PCBP2: variants seen among roughly 807,000 people sequenced by gnomAD.
PCBP2 encodes poly(rC) binding protein 2.
In PCBP2, 4 loss-of-function variants were observed where a neutral mutation model predicts 50.1. That is an observed-to-expected ratio of 0.08 (90% confidence interval 0.04 to 0.18). The LOEUF (loss-of-function observed/expected upper bound fraction) is 0.18, where lower values mean the gene tolerates loss of function less well. Among genes scored for constraint, PCBP2 ranks in the 10% least tolerant of loss-of-function variants. PCBP2 has a pLI of 1.00. For synonymous variants in PCBP2, 179 were observed against 168.0 expected (o/e 1.07, Z -0.51); for missense variants, 161 against 474.3 (o/e 0.34, Z 6.14).
At position 53,463,350 on chromosome 12, in the gene PCBP2, G is replaced by T. The variant is rs74777957; in HGVS notation, c.579+783G>T. Among the ~76,000 whole-genome samples the T allele has an allele frequency of 2.5e-3, 381 of 152,244 alleles. 3 individuals are homozygous for T. Among genetic ancestry groups the T allele is most frequent in the South Asian group, 8.3e-3 (40 of 4,826 alleles). On this transcript the variant is annotated intron_variant, in intron 8 of 14. Coordinates refer to ENST00000546463, the MANE Select transcript of PCBP2 (RefSeq NM_031989.5). ...TGCTCTGATTGTATTTGAGGAGTAG[G>T]TAGATCAGGTTTTAAAATACAGTTG...
At chr12:53,462,692 C>T (rs188075512) in intron 8 of PCBP2, 125 bp downstream of exon 8, 29 of 647,594 alleles carry the variant, frequency 4.5e-5, no homozygotes, top group South Asian at 1.3e-4. Context: ...ATAGTTTGAC[C>T]GGCTTTTAGT....
At chr12:53,462,395 TTTTAA>T in intron 7 of PCBP2, 93 bp from the exon 8 acceptor site, 3 of 908,226 alleles carry the variant, frequency 3.3e-6, no homozygotes, top group Non-Finnish European at 5.1e-6. Flanking sequence ...TGGAAATAGT[TTTTAA>T]TTTAACTGAC....
chr12:53,468,073 G>C (rs1387938090), intron 12 of PCBP2: 2 of 525,730 alleles, frequency 3.8e-6, no homozygotes, highest in East Asian at 3.0e-5. Flanking sequence ...GACTAAGCTT[G>C]AGTGTTAGCC....
chr12:53,464,931 T>G, intron 9 of PCBP2, 79 bp downstream of exon 9: 1 of 1,459,182 alleles, frequency 6.9e-7, no homozygotes, highest in South Asian at 1.4e-5. Context: ...GGGGGGCCAG[T>G]GGCGCTGGTG....
chr12:53,452,601 C>A (rs945510634), intron 1 of PCBP2, among the ~76,000 whole-genome samples: 1 of 151,544 alleles, frequency 6.6e-6, no homozygotes, highest in African/African-American at 2.4e-5. Context: ...CCGCCTTTTC[C>A]CGGTGGCGGC....
intron 7 of PCBP2, among the ~76,000 whole-genome samples, chr12:53,461,909 A>G (rs1941476958): frequency 6.6e-6 from 1 of 151,984 alleles, no homozygotes. Flanking sequence ...GGATTTTGCC[A>G]TGTTGCCCAG....
chr12:53,476,665 C>T (rs1942605772), intron 14 of PCBP2, among the ~76,000 whole-genome samples: 1 of 151,808 alleles, frequency 6.6e-6, no homozygotes, highest in African/African-American at 2.4e-5. Context: ...AAAAAAAAAG[C>T]TGTTAGTATT....
Position 53,479,562 on chromosome 12 carries a change from T to C in PCBP2, c.*120T>C. The C allele has an allele frequency of 1.2e-6, 1 of 809,862 alleles. No individual in the cohort carries two copies. Among genetic ancestry groups the C allele is most frequent in the Non-Finnish European group, 2.1e-6 (1 of 487,368 alleles). The allele number at this position is 809,862 out of a possible 1,614,324, so 50.2% of individuals were successfully genotyped here. ...AAATAGTTTGTAAATTTTCAGTTTCTACACACTTTATCATCCACTCGTGAT... is the reference window on the plus strand; with the variant it reads ...AAATAGTTTGTAAATTTTCAGTTTCCACACACTTTATCATCCACTCGTGAT... On this transcript the variant is annotated 3_prime_UTR_variant, in exon 15 of 15. Coordinates refer to ENST00000546463, the MANE Select transcript of PCBP2 (RefSeq NM_031989.5).
At position 53,454,734 on chromosome 12, in the gene PCBP2, T is replaced by A; in HGVS notation, c.-67T>A. The A allele has an allele frequency of 1.5e-6, 2 of 1,378,550 alleles. No homozygotes were observed. Among genetic ancestry groups the A allele is most frequent in the Admixed American group, 3.4e-5 (2 of 58,596 alleles). 85.4% of individuals were successfully genotyped at this position (1,378,550 alleles called of 1,614,324 possible). ...TCATGTTTGCATTTTAGTTTTTGGC[T>A]TTCACCCCCAACCAGTGACCAAAGA... On this transcript the variant is annotated 5_prime_UTR_variant, in exon 2 of 15. Coordinates refer to ENST00000546463, the MANE Select transcript of PCBP2 (RefSeq NM_031989.5).
At chr12:53,476,296 C>G (rs1235169569) in intron 14 of PCBP2, among the ~76,000 whole-genome samples, 1 of 152,198 alleles carries the variant, frequency 6.6e-6, no homozygotes, top group Non-Finnish European at 1.5e-5. Flanking sequence ...ATCAACTAAT[C>G]TGTAACACAT....
At chr12:53,476,858 C>G (rs908989594) in intron 14 of PCBP2, among the ~76,000 whole-genome samples, 4 of 152,122 alleles carry the variant, frequency 2.6e-5, no homozygotes, top group Admixed American at 2.6e-4. Context: ...TAAGCTTGCT[C>G]CTCCTGTAGT....
intron 14 of PCBP2, chr12:53,475,472 T>A: frequency 3.6e-6 from 1 of 277,010 alleles, no homozygotes; most frequent in Non-Finnish European, 7.1e-6. Context: ...TTGTTACTTT[T>A]CTTTGTAGCT....
intron 5 of PCBP2, among the ~76,000 whole-genome samples, chr12:53,457,041 A>T (rs1244442287): frequency 6.6e-6 from 1 of 152,046 alleles, no homozygotes; most frequent in African/African-American, 2.4e-5. Context: ...TTTTTTATAC[A>T]TCATAGTATT....
intron 8 of PCBP2, among the ~76,000 whole-genome samples, chr12:53,462,783 C>T (rs1020804952): frequency 1.3e-5 from 2 of 152,124 alleles, no homozygotes; most frequent in African/African-American, 4.8e-5. Context: ...GAAGAGGTAA[C>T]TTACTTGTGG....
chr12:53,454,668 T>G (rs985848865), intron 1 of PCBP2, 58 bp from the exon 2 acceptor site: 2 of 677,282 alleles, frequency 3.0e-6, no homozygotes, highest in African/African-American at 3.6e-5. Context: ...GAAAATAACT[T>G]GGGAAATAAT....
intron 6 of PCBP2, 55 bp from the exon 7 acceptor site, chr12:53,460,960 A>G (rs1941410776): frequency 1.3e-6 from 2 of 1,589,396 alleles, no homozygotes; most frequent in Non-Finnish European, 1.7e-6. Flanking sequence ...TGCTGGAGGA[A>G]TTGGAAGAGC....
Position 53,481,154 on chromosome 12 carries a change from C to T in PCBP2, c.*1712C>T. The T allele has an allele frequency of 1.8e-6, 2 of 1,101,782 alleles. No individual in the cohort carries two copies. Among genetic ancestry groups the T allele is most frequent in the Non-Finnish European group, 2.4e-6 (2 of 831,858 alleles). 68.3% of individuals were successfully genotyped at this position (1,101,782 alleles called of 1,614,324 possible). A position where few individuals can be genotyped will look rare whatever the true frequency, so the allele number is the denominator to read the frequency against. On this transcript the variant is annotated 3_prime_UTR_variant, in exon 15 of 15. Transcript: ENST00000546463. ...ATATATATAATTTATATAAATATTT[C>T]TCTATGTACAAGGAATACGAGTGGC... is the stretch of plus-strand genomic sequence containing the variant.
chr12:53,474,779 C>G, intron 14 of PCBP2: 1 of 348,744 alleles, frequency 2.9e-6, no homozygotes. Flanking sequence ...ACTGATATAA[C>G]TGAAGCAGTT....
At position 53,455,963 on chromosome 12, in the gene PCBP2, T is replaced by G; in HGVS notation, c.205T>G (p.Phe69Val). 1 of 1,613,062 alleles carries G rather than the reference T, an allele frequency of 6.2e-7. No homozygotes were observed. Among genetic ancestry groups the G allele is most frequent in the Non-Finnish European group, 8.5e-7 (1 of 1,179,000 alleles). ...ITLAGPTNAI[F>V]KAFAMIIDKL... ...TTTGGCTGGACCCACTAATGCCATC[T>G]TCAAAGCCTTTGCTATGATCATTGA... The change falls in exon 5 of 15, where the codon TTC (phenylalanine) becomes GTC (valine). Residue 69 changes from phenylalanine to valine, a missense_variant. Physicochemically the swap from Phe to Val is conservative, Grantham distance 50. Transcript: ENST00000546463.
Sources: gnomAD v4.1 joint callset for allele counts (sites outside exome capture counted in the v4.1 genomes callset) on GRCh38, gnomAD v4.1.1 for gene constraint, MANE v1.5 for transcripts, NCBI Gene and HGNC (gene_info 2026-07-23, HGNC 2026-07-21) for gene names.